The following TERF1 variants were observed in gnomAD, a reference collection of about 807,000 sequenced individuals.
TERF1 encodes telomeric repeat binding factor 1, also known as telomeric repeat-binding factor 1.
TERF1 carries 20 observed loss-of-function variants against 55.1 expected under a neutral mutation model. The ratio of observed to expected loss-of-function variants is 0.36; its 90% CI spans 0.26 to 0.53. The LOEUF is 0.53. Ranked by LOEUF, TERF1 falls within the 20% of genes least tolerant of loss-of-function variation. The pLI, the probability that TERF1 is intolerant of heterozygous loss-of-function variation, is 0.91. For synonymous variants in TERF1, 168 were observed against 181.2 expected (o/e 0.93, Z 0.59); for missense variants, 439 against 535.7 (o/e 0.82, Z 1.78).
intron 5 of TERF1, 46 bp downstream of exon 5, chr8:73,025,017 C>A: frequency 5.1e-6 from 6 of 1,173,038 alleles, no homozygotes; most frequent in South Asian, 1.7e-5. Context: ...TTAAAGGAAA[C>A]GTTATAATAA....
intron 1 of TERF1, 91 bp downstream of exon 1, chr8:73,009,296 G>GA: frequency 9.1e-7 from 1 of 1,103,940 alleles, no homozygotes; most frequent in Non-Finnish European, 1.2e-6. Flanking sequence ...CTACGTCGCC[G>GA]AGGGAGGGGC....
chr8:73,034,125 G>T (rs879346236), intron 8 of TERF1, among the ~76,000 whole-genome samples: 11 of 17,842 alleles, frequency 6.2e-4, no homozygotes, highest in East Asian at 2.5e-3. Context: ...CTATTTTTTT[G>T]TTTGTTTGTT....
chr8:73,027,166 A>C lies in TERF1; in HGVS notation c.887+114A>C. The C allele has an allele frequency of 4.0e-6, 3 of 747,492 alleles. No homozygotes were observed. The Admixed American group carries it at 8.7e-5, about 22-fold the overall frequency. 46.3% of individuals were successfully genotyped at this position (747,492 alleles called of 1,614,324 possible). On this transcript the variant is annotated intron_variant, in intron 6 of 9. Transcript: ENST00000276603. Reference sequence around the variant, plus strand: ...TATTGAGTAGCATGTTATCTTGCTGATGATTAACATTTAGGTATTTGAAGT... The same window carrying C: ...TATTGAGTAGCATGTTATCTTGCTGCTGATTAACATTTAGGTATTTGAAGT...
intron 7 of TERF1, chr8:73,030,859 A>T (rs1339220140): frequency 6.6e-6 from 1 of 152,488 alleles, no homozygotes; most frequent in Non-Finnish European, 1.5e-5. Context: ...GATTTCTAAC[A>T]TAGAGCAGTT....
Position 73,033,117 on chromosome 8 carries a change from G to A in TERF1, c.1039+984G>A, listed in dbSNP as rs183133002. 2.0e-5 allele frequency among the ~76,000 whole-genome samples: 3 copies of A among 146,768 alleles called. No homozygotes were observed. The East Asian group carries it at 6.1e-4, about 30-fold the overall frequency. On this transcript the variant is annotated intron_variant, in intron 8 of 9. Transcript: ENST00000276603. ...AGGTTTATTTCTCCATGCTCATAAG[G>A]TACCATCTTGGTGCCAGGCAAATGA...
In TERF1 at chr8:73,014,208, C is replaced by T. The variant is rs55883331; in HGVS notation, c.415+218C>T. Reference sequence around the variant, plus strand: ...TCATCTTAGAACATTGGTTCTCAAACTTTAGCCTGCTCCAGAATTACTTAA... The same window carrying T: ...TCATCTTAGAACATTGGTTCTCAAATTTTAGCCTGCTCCAGAATTACTTAA... On this transcript the variant is annotated intron_variant, in intron 2 of 9. Transcript: ENST00000276603. Among the ~76,000 whole-genome samples, 4,217 of 145,530 alleles carry T rather than the reference C, an allele frequency of 0.029. 186 individuals carry two copies. The highest frequency in any genetic ancestry group is 0.1 in the African/African-American group (3,982 of 38,862).
At chr8:73,030,277 C>A in intron 6 of TERF1, 59 bp from the exon 7 acceptor site, 1 of 1,108,346 alleles carries the variant, frequency 9.0e-7, no homozygotes, top group Non-Finnish European at 1.3e-6. Flanking sequence ...GTGGAAAGTA[C>A]TATCCTTATG....
At chr8:73,040,973 A>G (rs1470870822) in intron 9 of TERF1, among the ~76,000 whole-genome samples, 1 of 151,988 alleles carries the variant, frequency 6.6e-6, no homozygotes, top group Admixed American at 6.6e-5. Context: ...TCATCTCTCC[A>G]TTTACATTTA....
chr8:73,028,850 T>C (rs1392125323), intron 6 of TERF1, among the ~76,000 whole-genome samples: 2 of 152,190 alleles, frequency 1.3e-5, no homozygotes, highest in Non-Finnish European at 2.9e-5. Flanking sequence ...TGGTAACTTA[T>C]TTGTTTACCT....
chr8:73,046,279 T>G lies in TERF1; in HGVS notation c.*142T>G. 1 of 603,648 alleles carries G rather than the reference T, an allele frequency of 1.7e-6. No homozygotes were observed. Among genetic ancestry groups the G allele is most frequent in the Non-Finnish European group, 2.7e-6 (1 of 372,940 alleles). 37.4% of individuals were successfully genotyped at this position (603,648 alleles called of 1,614,324 possible). A position where few individuals can be genotyped will look rare whatever the true frequency, so the allele number is the denominator to read the frequency against. ...TCTGTGACCATCAATTAATGAGGGTTTGTGCTACCAGAGTTAAAGCATATG... is the reference window on the plus strand; with the variant it reads ...TCTGTGACCATCAATTAATGAGGGTGTGTGCTACCAGAGTTAAAGCATATG... On this transcript the variant is annotated 3_prime_UTR_variant, in exon 10 of 10. Coordinates refer to ENST00000276603, the MANE Select transcript of TERF1 (RefSeq NM_017489.3).
At chr8:73,030,506 A>T in intron 7 of TERF1, 111 bp downstream of exon 7, 7 of 683,146 alleles carry the variant, frequency 1.0e-5, no homozygotes, top group South Asian at 3.0e-5. Context: ...AGAATATCTC[A>T]GGGTCCTAGT....
At chr8:73,037,219 TTATAA>T (rs1417168629) in intron 8 of TERF1, among the ~76,000 whole-genome samples, 91 of 136,378 alleles carry the variant, frequency 6.7e-4, no homozygotes, top group African/African-American at 2.0e-3. Context: ...TTATATATAA[TTATAA>T]TATAATAATT....
chr8:73,030,401 G>A lies in TERF1; in HGVS notation c.947+6G>A. The A allele has an allele frequency of 1.4e-6, 2 of 1,479,400 alleles. No homozygotes were observed. The highest frequency in any genetic ancestry group is 1.8e-6 in the Non-Finnish European group (2 of 1,117,576). 91.6% of individuals were successfully genotyped at this position (1,479,400 alleles called of 1,614,324 possible). A position where few individuals can be genotyped will look rare whatever the true frequency, so the allele number is the denominator to read the frequency against. ...GGTACAGTATCCTTATTGAGGTGAAGTAAATTGACGTTTTTCTTCTTTGTC... is the reference window on the plus strand; with the variant it reads ...GGTACAGTATCCTTATTGAGGTGAAATAAATTGACGTTTTTCTTCTTTGTC... On this transcript the variant is annotated splice_donor_region_variant and intron_variant, in intron 7 of 9. Coordinates refer to ENST00000276603, the MANE Select transcript of TERF1 (RefSeq NM_017489.3).
intron 9 of TERF1, among the ~76,000 whole-genome samples, chr8:73,042,348 G>A (rs1809868535): frequency 1.3e-5 from 2 of 152,046 alleles, no homozygotes; most frequent in Non-Finnish European, 1.5e-5. Flanking sequence ...AAAGAATTCT[G>A]TGGATATCAC....
At chr8:73,010,316 G>C (rs1263881378) in intron 1 of TERF1, 2 of 152,080 alleles carry the variant, frequency 1.3e-5, no homozygotes, top group Non-Finnish European at 2.9e-5. Flanking sequence ...TCTTTCCTCT[G>C]TATTGCGGTT....
intron 2 of TERF1, among the ~76,000 whole-genome samples, chr8:73,020,415 G>A (rs1414980134): frequency 6.6e-6 from 1 of 152,134 alleles, no homozygotes; most frequent in Non-Finnish European, 1.5e-5. Flanking sequence ...GACATGTTAT[G>A]TAAAATAGTT....
Position 73,014,024 on chromosome 8 carries a change from T to C in TERF1, c.415+34T>C, listed in dbSNP as rs1369023843. 5 of 1,484,606 alleles carry C rather than the reference T, an allele frequency of 3.4e-6. No individual in the cohort carries two copies. In the East Asian group the frequency reaches 6.8e-5, roughly 20 times the overall value. The allele number at this position is 1,484,606 out of a possible 1,614,324, so 92.0% of individuals were successfully genotyped here. Reference sequence around the variant, plus strand: ...GTTTTTTTATTTTATATTGGAAATATTTCAATCTGTTTCTAATGTAAGACA... The same window carrying C: ...GTTTTTTTATTTTATATTGGAAATACTTCAATCTGTTTCTAATGTAAGACA... On this transcript the variant is annotated intron_variant, in intron 2 of 9. Transcript: ENST00000276603.
chr8:73,027,916 T>C (rs974984119), intron 6 of TERF1, among the ~76,000 whole-genome samples: 4 of 152,198 alleles, frequency 2.6e-5, no homozygotes, highest in Non-Finnish European at 5.9e-5. Context: ...CATCTTATAG[T>C]GGCCCCTCCT....
chr8:73,024,736 T>A, intron 4 of TERF1, 86 bp from the exon 5 acceptor site: 1 of 995,488 alleles, frequency 1.0e-6, no homozygotes, highest in Non-Finnish European at 1.4e-6. Context: ...AAGTGATTTC[T>A]TTTCAATTAA....
Sources: gnomAD v4.1 joint callset for allele counts (sites outside exome capture counted in the v4.1 genomes callset) on GRCh38, gnomAD v4.1.1 for gene constraint, MANE v1.5 for transcripts, NCBI Gene and HGNC (gene_info 2026-07-23, HGNC 2026-07-21) for gene names.